CPS1: variants seen among roughly 807,000 people sequenced by gnomAD.
The protein encoded by CPS1 is carbamoyl-phosphate synthase 1.
In CPS1, 109 loss-of-function variants were observed where a neutral mutation model predicts 174.6. That is an observed-to-expected ratio of 0.62 (90% CI 0.53 to 0.73). The LOEUF (loss-of-function observed/expected upper bound fraction) is 0.73, where lower values mean the gene tolerates loss of function less well. Among genes scored for constraint, CPS1 ranks in the 30% least tolerant of loss-of-function variants. The probability of loss-of-function intolerance (pLI) is 0.00; values close to 1 mark genes in which losing one functional copy is unlikely to be tolerated. For synonymous variants in CPS1, 637 were observed against 632.0 expected, an observed-to-expected ratio of 1.01 and a Z score of -0.12; for missense variants, 1,689 against 1,821.9, an observed-to-expected ratio of 0.93 and a Z score of 1.33.
chr2:210,532,245 A>G (rs2106001691), intron 1 of CPS1, among the ~76,000 whole-genome samples: 1 of 152,270 alleles, frequency 6.6e-6, no homozygotes, highest in East Asian at 1.9e-4. Flanking sequence ...GTGAAGCAAC[A>G]AGGTCTGTAT....
At chr2:210,630,304 CA>C (rs1330839675) in intron 21 of CPS1, among the ~76,000 whole-genome samples, 1 of 151,812 alleles carries the variant, frequency 6.6e-6, no homozygotes, top group Non-Finnish European at 1.5e-5. Flanking sequence ...TAAAGATTAG[CA>C]AAAAAGAACA....
intron 6 of CPS1, among the ~76,000 whole-genome samples, chr2:210,583,115 C>T (rs575662479): frequency 6.6e-6 from 1 of 152,090 alleles, no homozygotes; most frequent in Non-Finnish European, 1.5e-5. Flanking sequence ...TAATCAGAAT[C>T]TGGGGGCATT....
intron 1 of CPS1, among the ~76,000 whole-genome samples, chr2:210,568,888 A>G (rs1231030487): frequency 6.6e-6 from 1 of 152,154 alleles, no homozygotes; most frequent in Non-Finnish European, 1.5e-5. Context: ...AGATGAAAAA[A>G]TTACTGTTTA....
intron 21 of CPS1, among the ~76,000 whole-genome samples, chr2:210,622,178 A>G (rs780451098): frequency 5.9e-5 from 9 of 151,512 alleles, no homozygotes; most frequent in Non-Finnish European, 1.3e-4. Flanking sequence ...TATGTGAGCA[A>G]TATTGTGGAT....
At chr2:210,657,863 C>T (rs928725590) in intron 30 of CPS1, among the ~76,000 whole-genome samples, 1 of 152,196 alleles carries the variant, frequency 6.6e-6, no homozygotes, top group East Asian at 1.9e-4. Context: ...ACTTCAGTTT[C>T]TCATGTCAGG....
intron 1 of CPS1, among the ~76,000 whole-genome samples, chr2:210,569,524 G>T (rs1374032895): frequency 6.6e-6 from 1 of 151,982 alleles, no homozygotes; most frequent in African/African-American, 2.4e-5. Context: ...TTTCAGTGAC[G>T]CCTCAGTGAT....
chr2:210,517,963 C>T (rs896121085), intron 1 of CPS1, among the ~76,000 whole-genome samples: 5 of 152,038 alleles, frequency 3.3e-5, no homozygotes, highest in South Asian at 4.2e-4. Context: ...TACATGCTAT[C>T]TATGTGACTG....
At chr2:210,550,381 T>C (rs914077258) in intron 1 of CPS1, among the ~76,000 whole-genome samples, 8 of 152,008 alleles carry the variant, frequency 5.3e-5, no homozygotes, top group Non-Finnish European at 8.8e-5. Context: ...ATAATTGACA[T>C]GCTCCAAGAG....
intron 21 of CPS1, among the ~76,000 whole-genome samples, chr2:210,625,897 A>G (rs1051127780): frequency 1.3e-5 from 2 of 152,112 alleles, no homozygotes; most frequent in Non-Finnish European, 2.9e-5. Flanking sequence ...TCTGACTATG[A>G]AGAAATTAAG....
intron 1 of CPS1, among the ~76,000 whole-genome samples, chr2:210,539,019 T>A (rs1169559289): frequency 1.3e-5 from 2 of 152,210 alleles, no homozygotes; most frequent in South Asian, 2.1e-4. Context: ...AATGTTTTAC[T>A]GCGTATATTG....
chr2:210,662,713 A>G (rs1440734887), intron 32 of CPS1, among the ~76,000 whole-genome samples: 1 of 152,252 alleles, frequency 6.6e-6, no homozygotes, highest in East Asian at 1.9e-4. Flanking sequence ...GCAAGTTCAA[A>G]TGATCAGAAC....
intron 9 of CPS1, among the ~76,000 whole-genome samples, chr2:210,591,543 G>A (rs1224459320): frequency 2.0e-5 from 3 of 151,796 alleles, no homozygotes; most frequent in Non-Finnish European, 4.4e-5. Context: ...CTGTTAAGCC[G>A]GTGAGCAACC....
intron 1 of CPS1, among the ~76,000 whole-genome samples, chr2:210,540,339 A>C (rs1696365210): frequency 6.6e-6 from 1 of 152,220 alleles, no homozygotes; most frequent in Admixed American, 6.5e-5. Flanking sequence ...AAGGGAAAAG[A>C]ACATTCATGC....
rs1701175748 is a variant in CPS1 at position 210,668,357 on chromosome 2, A to G, written c.4101+73A>G. 6.0e-6 allele frequency: 6 copies of G among 993,782 alleles called. No individual in the cohort carries two copies. In the Admixed American group the frequency reaches 6.8e-5, roughly 11 times the overall value. The allele number at this position is 993,782 out of a possible 1,614,324, so 61.6% of individuals were successfully genotyped here. ...TGGGGAGGGGCAGGATAGAATGTTA[A>G]TTGTGGTATAGAGGAAGGGAGATTT... On this transcript the variant is annotated intron_variant, in intron 34 of 37. Coordinates refer to ENST00000233072, the MANE Select transcript of CPS1 (RefSeq NM_001875.5).
At position 210,615,979 on chromosome 2, in the gene CPS1, T is replaced by TA. The variant is rs1453032992; in HGVS notation, c.2569-439dup. On this transcript the variant is annotated intron_variant, in intron 20 of 37. Transcript: ENST00000233072. Reference sequence around the variant, plus strand: ...TTTGTGTGAATGTGGAGTGAGGTGATAAAAATATGCTATCTCCTACAAGAT... The same window carrying TA: ...TTTGTGTGAATGTGGAGTGAGGTGATAAAAAATATGCTATCTCCTACAAGAT... Among the ~76,000 whole-genome samples, 6 of 152,142 alleles carry TA rather than the reference T, an allele frequency of 3.9e-5. No homozygotes were observed. In the South Asian group the frequency reaches 1.2e-3, roughly 32 times the overall value.
At chr2:210,578,131 G>A (rs980013925) in intron 4 of CPS1, among the ~76,000 whole-genome samples, 1 of 151,450 alleles carries the variant, frequency 6.6e-6, no homozygotes, top group African/African-American at 2.4e-5. Context: ...TTTTTGAGAT[G>A]GACTTTCACT....
In CPS1 at chr2:210,512,949, TATGG is replaced by T. The variant is rs1260411499; in HGVS notation, c.3+35185_3+35188del. ...ATATATATATATGGAGAGATATATA[TATGG>T]AGATATATATATGGAGATATATATA... On this transcript the variant is annotated intron_variant, in intron 1 of 38. Transcript: ENST00000430249. Among the ~76,000 whole-genome samples the T allele has an allele frequency of 7.6e-3, 323 of 42,550 alleles. 97 individuals are homozygous for T. The highest frequency in any genetic ancestry group is 0.012 in the Non-Finnish European group (246 of 21,028). The allele number at this position is 42,550 out of a possible 152,430, so 27.9% of individuals were successfully genotyped here.
At chr2:210,510,301 G>GT (rs1245705504) in intron 1 of CPS1, among the ~76,000 whole-genome samples, 2 of 152,096 alleles carry the variant, frequency 1.3e-5, no homozygotes, top group Non-Finnish European at 2.9e-5. Context: ...TTAATAAATG[G>GT]TGCTGGGAAA....
At chr2:210,578,366 T>C (rs1404204443) in intron 4 of CPS1, among the ~76,000 whole-genome samples, 4 of 152,162 alleles carry the variant, frequency 2.6e-5, no homozygotes, top group Non-Finnish European at 5.9e-5. Context: ...CGACTCAGCC[T>C]CCCAAAGTGC....
Sources: allele counts gnomAD v4.1 joint callset (sites outside exome capture counted in the v4.1 genomes callset), GRCh38; gene constraint gnomAD v4.1.1; transcripts MANE v1.5; gene names NCBI Gene and HGNC (gene_info 2026-07-23, HGNC 2026-07-21).